The following CSMD1 variants were observed in gnomAD, a reference collection of about 807,000 sequenced individuals.
The protein encoded by CSMD1 is CUB and Sushi multiple domains 1.
In CSMD1, 213 loss-of-function variants were observed where a neutral mutation model predicts 417.5. The ratio of observed to expected loss-of-function variants is 0.51; its 90% CI spans 0.46 to 0.57. CSMD1 has a LOEUF of 0.57. CSMD1 is among the 20% of genes least tolerant of loss of function. The pLI is 0.00. For synonymous variants in CSMD1, 2,862 were observed against 1,736.8 expected (o/e 1.65, Z -16.11); for missense variants, 6,923 against 4,529.7 (o/e 1.53, Z -15.17).
At chr8:3,142,894 CG>C (rs1472119647) in intron 40 of CSMD1, among the ~76,000 whole-genome samples, 4 of 152,182 alleles carry the variant, frequency 2.6e-5, no homozygotes, top group Non-Finnish European at 5.9e-5. Context: ...ATGACACTCA[CG>C]TCCAGAAGTC....
chr8:3,946,264 G>A (rs2980782), intron 5 of CSMD1, among the ~76,000 whole-genome samples: 9 of 151,842 alleles, frequency 5.9e-5, no homozygotes, highest in South Asian at 2.1e-4. Flanking sequence ...TTCCATATTA[G>A]AGAACACAGT....
chr8:4,013,303 T>C (rs1413786894), intron 4 of CSMD1, among the ~76,000 whole-genome samples: 2 of 152,148 alleles, frequency 1.3e-5, no homozygotes, highest in Admixed American at 6.6e-5. Context: ...GCCGTTGCTC[T>C]ATTCTTCGTT....
chr8:3,509,412 T>A (rs12114535), intron 10 of CSMD1, among the ~76,000 whole-genome samples: 2 of 152,244 alleles, frequency 1.3e-5, no homozygotes, highest in East Asian at 1.9e-4. Flanking sequence ...TTTAGACAAT[T>A]TTCTCAGGAC....
chr8:3,389,143 G>C (rs937659354), intron 17 of CSMD1, among the ~76,000 whole-genome samples: 1 of 152,096 alleles, frequency 6.6e-6, no homozygotes, highest in African/African-American at 2.4e-5. Context: ...AAGTTCAGGG[G>C]TACATGTGCA....
At chr8:3,437,317 A>G (rs528529645) in intron 12 of CSMD1, among the ~76,000 whole-genome samples, 2 of 152,302 alleles carry the variant, frequency 1.3e-5, no homozygotes, top group South Asian at 4.1e-4. Context: ...ACCCCACTCC[A>G]TTATTATTGG....
At chr8:4,988,050 T>C (rs1404594360) in intron 1 of CSMD1, among the ~76,000 whole-genome samples, 1 of 152,194 alleles carries the variant, frequency 6.6e-6, no homozygotes, top group Non-Finnish European at 1.5e-5. Flanking sequence ...CCCCTTTATA[T>C]ATACATTTAT....
At chr8:3,083,241 G>A (rs779537646) in intron 49 of CSMD1, among the ~76,000 whole-genome samples, 1 of 151,714 alleles carries the variant, frequency 6.6e-6, no homozygotes, top group Non-Finnish European at 1.5e-5. Context: ...AATTTTCTTA[G>A]AACTGAAAAT....
intron 3 of CSMD1, among the ~76,000 whole-genome samples, chr8:4,085,331 C>G (rs1021144363): frequency 4.0e-5 from 6 of 151,862 alleles, no homozygotes; most frequent in Admixed American, 3.3e-4. Flanking sequence ...TGGAGTAAGA[C>G]AAAATGAATG....
intron 3 of CSMD1, among the ~76,000 whole-genome samples, chr8:4,190,827 C>G (rs948439962): frequency 4.6e-5 from 7 of 152,048 alleles, no homozygotes; most frequent in Admixed American, 3.3e-4. Context: ...GGGCCATTAC[C>G]CTTCGCAAAC....
At chr8:3,056,907 T>G (rs960220299) in intron 49 of CSMD1, among the ~76,000 whole-genome samples, 1 of 152,108 alleles carries the variant, frequency 6.6e-6, no homozygotes, top group East Asian at 1.9e-4. Context: ...AAGAATATTC[T>G]AGATTACTAT....
intron 10 of CSMD1, among the ~76,000 whole-genome samples, chr8:3,512,534 G>T (rs976906935): frequency 5.5e-5 from 6 of 108,408 alleles, no homozygotes; most frequent in African/African-American, 2.3e-4. Flanking sequence ...CTGGTGGGCT[G>T]GTGGGTGAGT....
chr8:4,925,439 G>A (rs1401473859), intron 1 of CSMD1, among the ~76,000 whole-genome samples: 3 of 151,296 alleles, frequency 2.0e-5, no homozygotes, highest in African/African-American at 2.4e-5. Context: ...AGAACTTACT[G>A]TTAATCATTT....
In CSMD1 at chr8:4,670,507, A is replaced by T. The variant is rs114189761; in HGVS notation, c.86-32949T>A. On this transcript the variant is annotated intron_variant, in intron 1 of 69. Transcript: ENST00000635120. ...ACTCCCACTTGAATTCATTATTATA[A>T]TTAAAAGTGCTAACTGCAAGGGATA... Among the ~76,000 whole-genome samples, 714 of 152,322 alleles carry T rather than the reference A, an allele frequency of 4.7e-3. 7 individuals are homozygous for T. The highest frequency in any genetic ancestry group is 0.016 in the African/African-American group (649 of 41,578).
intron 18 of CSMD1, among the ~76,000 whole-genome samples, chr8:3,376,294 T>C (rs990218626): frequency 6.6e-6 from 1 of 151,974 alleles, no homozygotes; most frequent in South Asian, 2.1e-4. Flanking sequence ...ATGAAAAGGG[T>C]AACCAATAAT....
At chr8:3,962,038 C>A (rs1812364886) in intron 5 of CSMD1, among the ~76,000 whole-genome samples, 1 of 152,178 alleles carries the variant, frequency 6.6e-6, no homozygotes, top group Admixed American at 6.5e-5. Context: ...CTCAGAGTTC[C>A]TGGACATGTG....
intron 2 of CSMD1, among the ~76,000 whole-genome samples, chr8:4,530,400 A>C (rs1424527236): frequency 7.8e-6 from 1 of 128,700 alleles, no homozygotes; most frequent in African/African-American, 3.0e-5. Flanking sequence ...ATAGGAATAC[A>C]TTTGCCATGG....
intron 4 of CSMD1, among the ~76,000 whole-genome samples, chr8:3,999,742 A>T (rs1247211871): frequency 1.3e-5 from 2 of 152,146 alleles, no homozygotes; most frequent in Admixed American, 1.3e-4. Flanking sequence ...GACGTCTTTG[A>T]GAGGTACACT....
chr8:3,876,653 G>A (rs1486589547), intron 5 of CSMD1, among the ~76,000 whole-genome samples: 2 of 152,240 alleles, frequency 1.3e-5, no homozygotes, highest in Non-Finnish European at 2.9e-5. Flanking sequence ...TCTGTTGCCT[G>A]GGGTGAAGTG....
intron 54 of CSMD1, among the ~76,000 whole-genome samples, chr8:2,994,312 T>C (rs911115855): frequency 1.3e-5 from 2 of 152,112 alleles, no homozygotes; most frequent in African/African-American, 4.8e-5. Context: ...AGACATACAA[T>C]TAAAGGGAAT....
Sources: gnomAD v4.1 joint callset for allele counts (sites outside exome capture counted in the v4.1 genomes callset) on GRCh38, gnomAD v4.1.1 for gene constraint, MANE v1.5 for transcripts, NCBI Gene and HGNC (gene_info 2026-07-23, HGNC 2026-07-21) for gene names.